The following TAFA3 variants were observed in gnomAD, a reference collection of about 807,000 sequenced individuals.
TAFA3 encodes chemokine-like protein TAFA-3.
TAFA3 carries 17 observed loss-of-function variants against 20.7 expected under a neutral mutation model. That is an observed-to-expected ratio of 0.82 (90% CI 0.56 to 1.23). TAFA3 has a LOEUF of 1.23. TAFA3 is among the 50% of genes most tolerant of loss of function. The pLI, the probability that TAFA3 is intolerant of heterozygous loss-of-function variation, is 0.00. For missense variants in TAFA3, 174 were observed against 172.8 expected (o/e 1.01, Z -0.04); for synonymous variants, 74 against 71.8 (o/e 1.03, Z -0.16).
intron 5 of TAFA3, 106 bp downstream of exon 5, chr1:112,724,243 G>C: frequency 2.8e-6 from 3 of 1,053,352 alleles, no homozygotes; most frequent in Non-Finnish European, 4.1e-6. Context: ...GTCCCAAGGT[G>C]AGATCGTGAA....
At chr1:112,724,286 G>A (rs1570854229) in intron 5 of TAFA3, 149 bp downstream of exon 5, 2 of 748,874 alleles carry the variant, frequency 2.7e-6, no homozygotes, top group Middle Eastern at 7.9e-4. Flanking sequence ...TCTCAGGTCT[G>A]TTCTCACTGG....
At chr1:112,722,068 C>T (rs1675341232) in intron 2 of TAFA3, among the ~76,000 whole-genome samples, 165 bp from the exon 3 acceptor site, 1 of 152,174 alleles carries the variant, frequency 6.6e-6, no homozygotes, top group Non-Finnish European at 1.5e-5. Context: ...CTGCAGCACT[C>T]ACTACTGCCT....
At position 112,723,034 on chromosome 1, in the gene TAFA3, C is replaced by CCT; in HGVS notation, c.135_136dup (p.Cys46SerfsTer4). On this transcript the variant is annotated frameshift_variant, in exon 4 of 6. Transcript: ENST00000361886. LOFTEE classifies it high-confidence loss of function. ...CCCTCAGTGCTTGTGCAGCAGGGCA[C>CCT]CTGCGAGGTGATTGCGGCTCACCGC... is the stretch of plus-strand genomic sequence containing the variant. 6.2e-7 allele frequency: 1 copy of CCT among 1,612,662 alleles called. No individual in the cohort carries two copies. Among genetic ancestry groups the CCT allele is most frequent in the South Asian group, 1.1e-5 (1 of 90,916 alleles).
chr1:112,724,020 C>G lies in TAFA3; in HGVS notation c.273C>G (p.Ile91Met). 1 of 1,613,972 alleles carries G rather than the reference C, an allele frequency of 6.2e-7. No homozygotes were observed. Among genetic ancestry groups the G allele is most frequent in the Non-Finnish European group, 8.5e-7 (1 of 1,179,966 alleles). The change falls in exon 5 of 6, where the codon ATC (isoleucine) becomes ATG (methionine). Residue 91 changes from isoleucine (I) to methionine (M), a missense_variant. Physicochemically the swap from Ile to Met is conservative, Grantham distance 10. Coordinates refer to ENST00000361886, the MANE Select transcript of TAFA3 (RefSeq NM_182759.3). ...CGCCTCCTGCTCCCACAGCCTCCAT[C>G]GTCCTGCAGAGATGGTGGTGTCAGA... Reference protein sequence around the residue: ...RAKPSCVDASIVLQRWWCQME... With the variant: ...RAKPSCVDASMVLQRWWCQME...
chr1:112,724,204 C>A, intron 5 of TAFA3, 67 bp downstream of exon 5: 1 of 1,405,366 alleles, frequency 7.1e-7, no homozygotes, highest in Non-Finnish European at 9.6e-7. Context: ...AAAGGGGGCA[C>A]AGGAGCCTTG....
intron 5 of TAFA3, 25 bp from the exon 6 acceptor site, chr1:112,726,604 C>T (rs758229147): frequency 1.5e-5 from 25 of 1,613,718 alleles, no homozygotes; most frequent in Non-Finnish European, 2.0e-5. Context: ...CCTTCTCTAA[C>T]CTTACCCTCT....
chr1:112,725,182 C>T (rs1675437809), intron 5 of TAFA3, among the ~76,000 whole-genome samples: 1 of 152,118 alleles, frequency 6.6e-6, no homozygotes, highest in Non-Finnish European at 1.5e-5. Context: ...ACATTGGGTA[C>T]ACATGGACAT....
chr1:112,719,595 C>T (rs1420296662), intron 1 of TAFA3, among the ~76,000 whole-genome samples: 1 of 151,976 alleles, frequency 6.6e-6, no homozygotes, highest in African/African-American at 2.4e-5. Flanking sequence ...AAATGAACAC[C>T]CCCACCCCTC....
rs934760794 is a variant in TAFA3, at chr1:112,726,771, C to T, written c.*131C>T. ...ATGTCAAATGCAGCATCAGTCTTTCCGGGGCATTTCAGTTAAGCTGCTCAG... is the reference window on the plus strand; with the variant it reads ...ATGTCAAATGCAGCATCAGTCTTTCTGGGGCATTTCAGTTAAGCTGCTCAG... On this transcript the variant is annotated 3_prime_UTR_variant, in exon 6 of 6. Transcript: ENST00000361886. 1.1e-4 allele frequency: 157 copies of T among 1,428,366 alleles called. No homozygotes were observed. Among genetic ancestry groups the T allele is most frequent in the South Asian group, 5.1e-4 (43 of 83,948 alleles). 88.5% of individuals were successfully genotyped at this position (1,428,366 alleles called of 1,614,324 possible). A position where few individuals can be genotyped will look rare whatever the true frequency, so the allele number is the denominator to read the frequency against.
chr1:112,721,089 C>T (rs4450019), intron 2 of TAFA3, among the ~76,000 whole-genome samples: 71,834 of 152,016 alleles, frequency 0.47, 17,278 homozygotes, highest in South Asian at 0.61. Context: ...CTCGGTTTCA[C>T]CTCTTCCTTT....
At chr1:112,723,239 G>T (rs973821693) in intron 4 of TAFA3, 74 bp downstream of exon 4, 4 of 1,507,364 alleles carry the variant, frequency 2.7e-6, no homozygotes, top group Non-Finnish European at 3.6e-6. Flanking sequence ...CTCGCCATCT[G>T]CTGGGGATAC....
chr1:112,722,685 G>A (rs960575166), intron 3 of TAFA3, among the ~76,000 whole-genome samples: 3 of 152,144 alleles, frequency 2.0e-5, no homozygotes, highest in African/African-American at 4.8e-5. Flanking sequence ...CTGTGTAAGC[G>A]GATGATCCTC....
In TAFA3 at chr1:112,723,054, C is replaced by T. The variant is rs1308923227; in HGVS notation, c.154C>T (p.His52Tyr). ...QQGTCEVIAA[H>Y]RCCNRNRIEE... ...GGGCACCTGCGAGGTGATTGCGGCT[C>T]ACCGCTGCTGCAACCGGAACCGCAT... Residue 52 changes from histidine (H) to tyrosine (Y), a missense_variant, in exon 4 of 6, where the codon CAC becomes TAC. Transcript: ENST00000361886. 1 of 1,613,008 alleles carries T rather than the reference C, an allele frequency of 6.2e-7. No homozygotes were observed. The highest frequency in any genetic ancestry group is 8.5e-7 in the Non-Finnish European group (1 of 1,179,654).
chr1:112,719,865 T>G (rs1440311453), intron 1 of TAFA3, among the ~76,000 whole-genome samples: 1 of 152,168 alleles, frequency 6.6e-6, no homozygotes, highest in Admixed American at 6.5e-5. Flanking sequence ...CTTCTCTGTG[T>G]TCCTCCAGAT....
chr1:112,723,862 T>A, intron 4 of TAFA3, 151 bp from the exon 5 acceptor site: 2 of 1,521,168 alleles, frequency 1.3e-6, no homozygotes, highest in East Asian at 4.5e-5. Flanking sequence ...ACTGCCTCTC[T>A]GGGCAGCCTG....
intron 5 of TAFA3, among the ~76,000 whole-genome samples, chr1:112,724,537 A>C (rs946484579): frequency 6.7e-6 from 1 of 149,582 alleles, no homozygotes; most frequent in African/African-American, 2.5e-5. Flanking sequence ...CGCAAGAACA[A>C]AAAACCAAAC....
At chr1:112,723,271 C>T in intron 4 of TAFA3, 106 bp downstream of exon 4, 8 of 1,396,716 alleles carry the variant, frequency 5.7e-6, no homozygotes, top group Non-Finnish European at 7.6e-6. Flanking sequence ...CGTCTCAGGG[C>T]TTTCATGAGC....
chr1:112,723,791 A>T (rs1489672723), intron 4 of TAFA3, among the ~76,000 whole-genome samples: 1 of 152,148 alleles, frequency 6.6e-6, no homozygotes, highest in East Asian at 1.9e-4. Context: ...CTGTCTGGGG[A>T]GATGCAGGGA....
At chr1:112,726,394 C>T (rs1675472861) in intron 5 of TAFA3, among the ~76,000 whole-genome samples, 1 of 152,166 alleles carries the variant, frequency 6.6e-6, no homozygotes, top group Non-Finnish European at 1.5e-5. Flanking sequence ...GGTTTGTGGC[C>T]TGTAAGGAAG....
Sources: gnomAD v4.1 joint callset for allele counts (sites outside exome capture counted in the v4.1 genomes callset) on GRCh38, gnomAD v4.1.1 for gene constraint, MANE v1.5 for transcripts, NCBI Gene and HGNC (gene_info 2026-07-23, HGNC 2026-07-21) for gene names.